Variants in ACBD3 observed in about 807,000 individuals in gnomAD.
ACBD3 encodes the protein acyl-CoA binding domain containing 3.
A neutral mutation model predicts 66.9 loss-of-function variants in ACBD3; 30 were observed. The observed-to-expected ratio is 0.45, with a 90% CI of 0.34 to 0.61. ACBD3 has a LOEUF of 0.61. Ranked by LOEUF, ACBD3 falls within the 20% of genes least tolerant of loss-of-function variation. ACBD3 has a pLI of 0.02. For missense variants in ACBD3, 544 were observed against 664.5 expected, an observed-to-expected ratio of 0.82 and a Z score of 1.99; for synonymous variants, 278 against 259.8, an observed-to-expected ratio of 1.07 and a Z score of -0.68.
chr1:226,173,762 T>A (rs913861525), intron 1 of ACBD3, among the ~76,000 whole-genome samples: 2 of 135,080 alleles, frequency 1.5e-5, no homozygotes, highest in African/African-American at 5.6e-5. Flanking sequence ...CTTTTCTTTT[T>A]TTTTTTTTTT....
chr1:226,154,576 T>G (rs1659637189), intron 6 of ACBD3, 71 bp downstream of exon 6: 2 of 1,496,446 alleles, frequency 1.3e-6, no homozygotes, highest in Non-Finnish European at 1.8e-6. Context: ...AATTATAACC[T>G]GACTTCATGA....
chr1:226,170,470 G>A (rs193009015), intron 1 of ACBD3, among the ~76,000 whole-genome samples: 4 of 151,084 alleles, frequency 2.6e-5, no homozygotes, highest in Admixed American at 2.0e-4. Context: ...CACCGTGCTC[G>A]GCCTTTCTTT....
intron 1 of ACBD3, among the ~76,000 whole-genome samples, chr1:226,179,624 G>C (rs182195965): frequency 6.6e-6 from 1 of 152,174 alleles, no homozygotes; most frequent in African/African-American, 2.4e-5. Flanking sequence ...TTGAGAGGCC[G>C]GGTGGGCAGA....
chr1:226,171,150 A>C (rs1008898785), intron 1 of ACBD3, among the ~76,000 whole-genome samples: 1 of 119,430 alleles, frequency 8.4e-6, no homozygotes, highest in East Asian at 2.3e-4. Context: ...GTAAGTAAAC[A>C]ATTTTTTTTT....
chr1:226,182,592 T>C (rs1656196370), intron 1 of ACBD3, among the ~76,000 whole-genome samples: 1 of 151,922 alleles, frequency 6.6e-6, no homozygotes, highest in Non-Finnish European at 1.5e-5. Context: ...CCAGCCTGGG[T>C]GACATAGCAA....
intron 6 of ACBD3, among the ~76,000 whole-genome samples, chr1:226,153,566 C>T (rs1659617262): frequency 6.6e-6 from 1 of 152,168 alleles, no homozygotes; most frequent in Non-Finnish European, 1.5e-5. Flanking sequence ...TAATGTACCT[C>T]TCTCTCCATC....
rs769488488 is a variant in ACBD3 at position 226,152,344 on chromosome 1, C to T, written c.1366G>A (p.Glu456Lys). 1 of 1,614,030 alleles carries T rather than the reference C, an allele frequency of 6.2e-7. No homozygotes were observed. The highest frequency in any genetic ancestry group is 1.7e-5 in the Admixed American group (1 of 60,028). The change falls in exon 7 of 8, where the codon GAG becomes AAG. Residue 456 changes from glutamate (E) to lysine (K), a missense_variant. Coordinates refer to ENST00000366812, the MANE Select transcript of ACBD3 (RefSeq NM_022735.4). ...HVSESSDDDE[E>K]EEENIGCEEK... The stretch of plus-strand genomic sequence containing the variant: ...GGACCAAGGGTTCTACCTTCTTCCT[C>T]CTCGTCGTCATCGCTGGACTCACTG...
chr1:226,165,801 T>C (rs1450160100), intron 2 of ACBD3, 58 bp downstream of exon 2: 14 of 1,569,882 alleles, frequency 8.9e-6, no homozygotes, highest in African/African-American at 6.9e-5. Context: ...CCAATACACA[T>C]TGTACCCTTT....
At position 226,184,440 on chromosome 1, in the gene ACBD3, C is replaced by T. The variant is rs575666588; in HGVS notation, c.286+1950G>A. 2.6e-5 allele frequency among the ~76,000 whole-genome samples: 4 copies of T among 152,132 alleles called. No homozygotes were observed. The East Asian group carries it at 5.8e-4, about 22-fold the overall frequency. On this transcript the variant is annotated intron_variant, in intron 1 of 7. Coordinates refer to ENST00000366812, the MANE Select transcript of ACBD3 (RefSeq NM_022735.4). ...ACACCTATCAGTGTAGCTTTATTCT[C>T]TAAGGTGACTAACACCTAGGCCCCA...
chr1:226,177,112 G>A (rs1656053442), intron 1 of ACBD3, among the ~76,000 whole-genome samples: 1 of 151,686 alleles, frequency 6.6e-6, no homozygotes, highest in South Asian at 2.1e-4. Flanking sequence ...CAAAGTACTG[G>A]GTGAAACCAG....
intron 4 of ACBD3, among the ~76,000 whole-genome samples, chr1:226,160,334 T>C (rs1452020441): frequency 6.6e-6 from 1 of 151,634 alleles, no homozygotes; most frequent in East Asian, 1.9e-4. Context: ...AATCAAGTGA[T>C]CCGCCCGCCT....
chr1:226,170,614 C>G (rs993432607), intron 1 of ACBD3, among the ~76,000 whole-genome samples: 1 of 152,068 alleles, frequency 6.6e-6, no homozygotes, highest in African/African-American at 2.4e-5. Flanking sequence ...CATACACACA[C>G]ACAAAATTTT....
rs999730899 is a variant in ACBD3, at chr1:226,165,736, A to C, written c.428+123T>G. The C allele has an allele frequency of 3.5e-6, 4 of 1,153,162 alleles. No individual in the cohort carries two copies. In the Admixed American group the frequency reaches 8.8e-5, roughly 25 times the overall value. The allele number at this position is 1,153,162 out of a possible 1,614,324, so 71.4% of individuals were successfully genotyped here. The stretch of plus-strand genomic sequence containing the variant: ...ATATCTGAAGACTCCAGAAGCTGCA[A>C]GCAAAAATGTTCAGTTCTTATCCTA... On this transcript the variant is annotated intron_variant, in intron 2 of 7. Coordinates refer to ENST00000366812, the MANE Select transcript of ACBD3 (RefSeq NM_022735.4).
intron 7 of ACBD3, among the ~76,000 whole-genome samples, chr1:226,149,229 ATT>A (rs530087804): frequency 1.5e-4 from 22 of 144,344 alleles, no homozygotes; most frequent in African/African-American, 2.8e-4. Context: ...AAGCTCTTTC[ATT>A]TTTTTTTTTT....
At position 226,144,830 on chromosome 1, in the gene ACBD3, G is replaced by A. The variant is rs1659416971; in HGVS notation, c.*1780C>T. The A allele has an allele frequency of 6.6e-6, 1 of 152,626 alleles. No individual in the cohort carries two copies. 9.5% of individuals were successfully genotyped at this position (152,626 alleles called of 1,614,324 possible). ...AACACATGACAGGAACCGCTGCTAT[G>A]TAAAGTAACATACACTGCTCCCAAG... On this transcript the variant is annotated 3_prime_UTR_variant, in exon 8 of 8. Transcript: ENST00000366812.
At chr1:226,180,688 T>C (rs1656150900) in intron 1 of ACBD3, among the ~76,000 whole-genome samples, 1 of 152,102 alleles carries the variant, frequency 6.6e-6, no homozygotes, top group Admixed American at 6.6e-5. Flanking sequence ...GGGAAAATGT[T>C]AAAATCACTT....
At position 226,144,881 on chromosome 1, in the gene ACBD3, T is replaced by C. The variant is rs532517711; in HGVS notation, c.*1729A>G. The C allele has an allele frequency of 6.6e-6, 1 of 152,632 alleles. No individual in the cohort carries two copies. Among genetic ancestry groups the C allele is most frequent in the Non-Finnish European group, 1.5e-5 (1 of 68,032 alleles). 9.5% of individuals were successfully genotyped at this position (152,632 alleles called of 1,614,324 possible). On this transcript the variant is annotated 3_prime_UTR_variant, in exon 8 of 8. Coordinates refer to ENST00000366812, the MANE Select transcript of ACBD3 (RefSeq NM_022735.4). ...AACAATGATATTTTTAGGAGATAAT[T>C]CATCTTAACATGTGCAAGGACAAAT...
rs556621902 is a variant in ACBD3 at position 226,181,656 on chromosome 1, T to C, written c.286+4734A>G. Among the ~76,000 whole-genome samples, 7 of 152,310 alleles carry C rather than the reference T, an allele frequency of 4.6e-5. No homozygotes were observed. The South Asian group carries it at 1.2e-3, about 27-fold the overall frequency. Reference sequence around the variant, plus strand: ...AATAATGTACATACAGTTTTTGGCATAGTACCTGAGATTTAGTAAACATCT... The same window carrying C: ...AATAATGTACATACAGTTTTTGGCACAGTACCTGAGATTTAGTAAACATCT... On this transcript the variant is annotated intron_variant, in intron 1 of 7. Coordinates refer to ENST00000366812, the MANE Select transcript of ACBD3 (RefSeq NM_022735.4).
chr1:226,181,036 A>G (rs1259259007), intron 1 of ACBD3, among the ~76,000 whole-genome samples: 1 of 151,942 alleles, frequency 6.6e-6, no homozygotes, highest in Non-Finnish European at 1.5e-5. Flanking sequence ...AACAACACAT[A>G]CACATTCCTG....
Sources: gnomAD v4.1 joint callset for allele counts (sites outside exome capture counted in the v4.1 genomes callset) on GRCh38, gnomAD v4.1.1 for gene constraint, MANE v1.5 for transcripts, NCBI Gene and HGNC (gene_info 2026-07-23, HGNC 2026-07-21) for gene names.